OBI1: variants seen among roughly 807,000 people sequenced by gnomAD.
OBI1 encodes the protein ORC ubiquitin ligase 1.
In OBI1, 59 loss-of-function variants were observed where a neutral mutation model predicts 62.4. The observed-to-expected ratio is 0.95, with a 90% confidence interval of 0.77 to 1.17. OBI1 has a LOEUF of 1.17. OBI1 is among the 50% of genes most tolerant of loss of function. The probability of loss-of-function intolerance (pLI) is 0.00; values close to 1 mark genes in which losing one functional copy is unlikely to be tolerated. For missense variants in OBI1, 875 were observed against 830.9 expected (o/e 1.05, Z -0.65); for synonymous variants, 302 against 292.8 (o/e 1.03, Z -0.32).
intron 5 of OBI1, among the ~76,000 whole-genome samples, chr13:78,632,772 T>C (rs1483870097): frequency 2.0e-5 from 3 of 152,180 alleles, no homozygotes; most frequent in African/African-American, 7.2e-5. Context: ...AACAAGGCTA[T>C]AAATCAAATG....
intron 5 of OBI1, among the ~76,000 whole-genome samples, chr13:78,631,691 G>A (rs1875857015): frequency 6.6e-6 from 1 of 152,076 alleles, no homozygotes; most frequent in South Asian, 2.1e-4. Flanking sequence ...TCTGGACAAC[G>A]AGTTTGGATA....
chr13:78,620,055 C>T (rs986282125), intron 5 of OBI1, among the ~76,000 whole-genome samples: 3 of 152,174 alleles, frequency 2.0e-5, no homozygotes, highest in Non-Finnish European at 4.4e-5. Flanking sequence ...ACAGGCTTGA[C>T]ATTCTATACT....
At chr13:78,624,746 G>A (rs963175778) in intron 5 of OBI1, among the ~76,000 whole-genome samples, 2 of 152,156 alleles carry the variant, frequency 1.3e-5, no homozygotes, top group South Asian at 2.1e-4. Flanking sequence ...GACCCACATA[G>A]TATTGGGTCA....
At chr13:78,630,619 T>C (rs1875817477) in intron 5 of OBI1, among the ~76,000 whole-genome samples, 2 of 151,928 alleles carry the variant, frequency 1.3e-5, no homozygotes, top group African/African-American at 4.8e-5. Context: ...CCCTCATAAG[T>C]GAGATTAATG....
chr13:78,639,027 A>T lies in OBI1; in HGVS notation c.345T>A (p.Ser115Arg). Residue 115 changes from serine to arginine, a missense_variant, in exon 4 of 6, where the codon AGT becomes AGA. Physicochemically the swap from Ser to Arg is moderately radical, Grantham distance 110 (BLOSUM62 -1). Coordinates refer to ENST00000282003, the MANE Select transcript of OBI1 (RefSeq NM_024546.4). ...CLQKEVEELK[S>R]KNLSLESQIK... ...TCTGTGACTCCAAGCTGAGATTTTT[A>T]CTCTTAAGCTCTTCTACTTCTTTCT... is the stretch of plus-strand genomic sequence containing the variant. 2 of 1,613,642 alleles carry T rather than the reference A, an allele frequency of 1.2e-6. No individual in the cohort carries two copies.
At chr13:78,627,980 C>G (rs1311173710) in intron 5 of OBI1, among the ~76,000 whole-genome samples, 1 of 152,156 alleles carries the variant, frequency 6.6e-6, no homozygotes, top group Non-Finnish European at 1.5e-5. Flanking sequence ...AGGGGATAGG[C>G]AGCAAGGAGC....
At position 78,615,664 on chromosome 13, in the gene OBI1, C is replaced by T; in HGVS notation, c.2097G>A (p.Arg699=). The change falls in exon 6 of 6, where the codon AGG becomes AGA. Residue 699 remains arginine, a synonymous_variant. Coordinates refer to ENST00000282003, the MANE Select transcript of OBI1 (RefSeq NM_024546.4). ...TTGTTGATTGATTCACATTTTTATTCCTCTTTTCAGGCACAAAGGAAGTAG... is the reference window on the plus strand; with the variant it reads ...TTGTTGATTGATTCACATTTTTATTTCTCTTTTCAGGCACAAAGGAAGTAG... ...PWSTSFVPEK[R]NKNVNQSTKR... 1 of 1,613,910 alleles carries T rather than the reference C, an allele frequency of 6.2e-7. No homozygotes were observed. Among genetic ancestry groups the T allele is most frequent in the South Asian group, 1.1e-5 (1 of 91,062 alleles).
At chr13:78,642,242 T>A in intron 2 of OBI1, 29 bp from the exon 3 acceptor site, 2 of 1,300,934 alleles carry the variant, frequency 1.5e-6, no homozygotes, top group South Asian at 2.5e-5. Flanking sequence ...AAATCCTAAT[T>A]TTTCATTCTG....
At position 78,622,279 on chromosome 13, in the gene OBI1, CAA is replaced by C. The variant is rs111480776; in HGVS notation, c.639-5159_639-5158del. Reference sequence around the variant, plus strand: ...GCGACATAATGAGATCATGTCTCTCCAAAAAAAAAAATATATATCAGGCACAG... The same window carrying C: ...GCGACATAATGAGATCATGTCTCTCCAAAAAAAAATATATATCAGGCACAG... On this transcript the variant is annotated intron_variant, in intron 5 of 5. Coordinates refer to ENST00000282003, the MANE Select transcript of OBI1 (RefSeq NM_024546.4). Among the ~76,000 whole-genome samples, 12 of 147,758 alleles carry C rather than the reference CAA, an allele frequency of 8.1e-5. No individual in the cohort carries two copies. In the South Asian group the frequency reaches 2.3e-3, roughly 29 times the overall value.
In OBI1 at chr13:78,614,317, T is replaced by A. The variant is rs1041281092; in HGVS notation, c.*1263A>T. The A allele has an allele frequency of 6.6e-6, 1 of 152,618 alleles. No individual in the cohort carries two copies. Among genetic ancestry groups the A allele is most frequent in the Non-Finnish European group, 1.5e-5 (1 of 68,048 alleles). The allele number at this position is 152,618 out of a possible 1,614,324, so 9.5% of individuals were successfully genotyped here. On this transcript the variant is annotated 3_prime_UTR_variant, in exon 6 of 6. Coordinates refer to ENST00000282003, the MANE Select transcript of OBI1 (RefSeq NM_024546.4). The stretch of plus-strand genomic sequence containing the variant: ...AGTGCTTATGACATTCTTTATTCAA[T>A]TCACATAGAAAAGCATGCAGTATTA...
At chr13:78,648,568 T>C (rs1247731029) in intron 1 of OBI1, among the ~76,000 whole-genome samples, 1 of 151,570 alleles carries the variant, frequency 6.6e-6, no homozygotes, top group Non-Finnish European at 1.5e-5. Flanking sequence ...GCACATTATA[T>C]GAGAGGATTC....
At chr13:78,634,761 C>T (rs1233877395) in intron 5 of OBI1, among the ~76,000 whole-genome samples, 1 of 152,170 alleles carries the variant, frequency 6.6e-6, no homozygotes, top group East Asian at 1.9e-4. Context: ...TTAACTATTA[C>T]TAAGACTATC....
At chr13:78,631,149 T>C (rs1875835325) in intron 5 of OBI1, among the ~76,000 whole-genome samples, 1 of 152,276 alleles carries the variant, frequency 6.6e-6, no homozygotes, top group East Asian at 1.9e-4. Flanking sequence ...TCCTCAGTCA[T>C]AGGAGTTATG....
chr13:78,636,452 CG>C (rs1876033540), intron 4 of OBI1, among the ~76,000 whole-genome samples: 1 of 152,134 alleles, frequency 6.6e-6, no homozygotes, highest in Non-Finnish European at 1.5e-5. Context: ...GCCTTTAAAA[CG>C]TATTTCAAAA....
intron 5 of OBI1, among the ~76,000 whole-genome samples, chr13:78,623,479 T>G (rs1005899946): frequency 1.3e-5 from 2 of 152,164 alleles, no homozygotes; most frequent in African/African-American, 4.8e-5. Context: ...TCATATCAAC[T>G]TTATGAAGCA....
rs747264966 is a variant in OBI1 at position 78,644,938 on chromosome 13, C to T, written c.132G>A (p.Leu44=). The T allele has an allele frequency of 6.2e-7, 1 of 1,613,714 alleles. No individual in the cohort carries two copies. The highest frequency in any genetic ancestry group is 1.1e-5 in the South Asian group (1 of 91,044). ...GACACTGGCTATTATTCTTCAACCA[C>T]AAATCAATACAAATCGAACAAAATA... ...NHVFCSICID[L]WLKNNSQCPA... Residue 44 remains leucine (L), a synonymous_variant, in exon 2 of 6, where the codon TTG becomes TTA. Transcript: ENST00000282003.
At chr13:78,627,065 T>C (rs1028831603) in intron 5 of OBI1, among the ~76,000 whole-genome samples, 1 of 151,956 alleles carries the variant, frequency 6.6e-6, no homozygotes, top group Non-Finnish European at 1.5e-5. Context: ...GAAAGAAAGG[T>C]AAGCAGTAGA....
intron 1 of OBI1, among the ~76,000 whole-genome samples, chr13:78,651,136 A>G (rs116189823): frequency 2.0e-4 from 30 of 152,212 alleles, no homozygotes; most frequent in African/African-American, 7.2e-4. Context: ...AGAATAGTCA[A>G]AACATGACAA....
intron 5 of OBI1, among the ~76,000 whole-genome samples, chr13:78,620,245 A>G (rs939861413): frequency 1.3e-5 from 2 of 152,238 alleles, no homozygotes; most frequent in South Asian, 2.1e-4. Flanking sequence ...CCATAGAAGA[A>G]GGACATGAGC....
Sources: allele counts gnomAD v4.1 joint callset (sites outside exome capture counted in the v4.1 genomes callset), GRCh38; gene constraint gnomAD v4.1.1; transcripts MANE v1.5; gene names NCBI Gene and HGNC (gene_info 2026-07-23, HGNC 2026-07-21).